The following NAALADL2 variants were observed in gnomAD, a reference collection of about 807,000 sequenced individuals.
The protein encoded by NAALADL2 is inactive N-acetylated-alpha-linked acidic dipeptidase-like protein 2.
A neutral mutation model predicts 87.2 loss-of-function variants in NAALADL2; 76 were observed. The ratio of observed to expected loss-of-function variants is 0.87; its 90% CI spans 0.72 to 1.05. The LOEUF is 1.05. Among genes scored for constraint, NAALADL2 ranks in the 50% least tolerant of loss-of-function variants. NAALADL2 has a pLI of 0.00. For synonymous variants in NAALADL2, 354 were observed against 331.0 expected, an observed-to-expected ratio of 1.07 and a Z score of -0.75; for missense variants, 1,089 against 945.8, an observed-to-expected ratio of 1.15 and a Z score of -1.99.
chr3:175,016,599 C>T (rs1026849633), intron 1 of NAALADL2, among the ~76,000 whole-genome samples: 23 of 151,428 alleles, frequency 1.5e-4, no homozygotes, highest in Middle Eastern at 3.4e-3. Flanking sequence ...TATACATATA[C>T]GCAAATTAAA....
chr3:175,685,568 A>T (rs1050901296), intron 11 of NAALADL2, among the ~76,000 whole-genome samples: 1 of 151,938 alleles, frequency 6.6e-6, no homozygotes, highest in African/African-American at 2.4e-5. Flanking sequence ...ATTGGCTCAC[A>T]TGACTGTGGA....
intron 4 of NAALADL2, among the ~76,000 whole-genome samples, chr3:175,281,710 G>A (rs1754331347): frequency 6.6e-6 from 1 of 151,744 alleles, no homozygotes; most frequent in African/African-American, 2.4e-5. Context: ...CCTTCAAGAA[G>A]GCTTCATTTA....
chr3:175,307,045 A>G (rs1369845977), intron 4 of NAALADL2, among the ~76,000 whole-genome samples: 2 of 152,178 alleles, frequency 1.3e-5, no homozygotes, highest in East Asian at 1.9e-4. Context: ...TCTTTGCCCA[A>G]TAGTATACTC....
rs1336834745 is a variant in NAALADL2, at chr3:175,543,528, C to T, written c.1654-32513C>T. ...TCACATGTCCACATGGCTGGGGAGGCCTGACAATTATGGCAGAAGGGGAAG... is the reference window on the plus strand; with the variant it reads ...TCACATGTCCACATGGCTGGGGAGGTCTGACAATTATGGCAGAAGGGGAAG... On this transcript the variant is annotated intron_variant, in intron 9 of 13. Transcript: ENST00000454872. 2.6e-5 allele frequency among the ~76,000 whole-genome samples: 4 copies of T among 152,098 alleles called. No homozygotes were observed. In the East Asian group the frequency reaches 7.7e-4, roughly 29 times the overall value.
intron 5 of NAALADL2, among the ~76,000 whole-genome samples, chr3:175,429,084 C>T (rs1293348804): frequency 2.0e-5 from 3 of 151,374 alleles, no homozygotes; most frequent in Non-Finnish European, 4.4e-5. Flanking sequence ...AAGACTCTAA[C>T]TTTATCTGTA....
intron 2 of NAALADL2, among the ~76,000 whole-genome samples, chr3:175,181,558 C>T (rs1196750686): frequency 6.6e-6 from 1 of 151,256 alleles, no homozygotes; most frequent in Admixed American, 6.6e-5. Flanking sequence ...TAAGTGACAA[C>T]ATGTGGTATT....
At chr3:175,487,350 CAGG>C (rs778935307) in intron 9 of NAALADL2, among the ~76,000 whole-genome samples, 3 of 152,174 alleles carry the variant, frequency 2.0e-5, no homozygotes, top group Non-Finnish European at 4.4e-5. Context: ...ATGTAAAGCA[CAGG>C]AGGACACTGA....
intron 1 of NAALADL2, among the ~76,000 whole-genome samples, chr3:174,973,660 G>A (rs1033861326): frequency 1.3e-5 from 2 of 152,112 alleles, no homozygotes; most frequent in Non-Finnish European, 1.5e-5. Flanking sequence ...TGTACTTTCC[G>A]AAACCTAGAT....
At chr3:174,651,839 A>G (rs1300725226) in intron 2 of NAALADL2, among the ~76,000 whole-genome samples, 4 of 152,204 alleles carry the variant, frequency 2.6e-5, no homozygotes, top group African/African-American at 7.2e-5. Context: ...AAACTTACTT[A>G]TTGAAATATA....
intron 4 of NAALADL2, among the ~76,000 whole-genome samples, chr3:175,267,744 T>C (rs1028572728): frequency 6.6e-6 from 1 of 152,124 alleles, no homozygotes; most frequent in Non-Finnish European, 1.5e-5. Context: ...GGTCTCCCTG[T>C]CCACATTTGT....
At chr3:175,277,419 G>C (rs916214255) in intron 4 of NAALADL2, among the ~76,000 whole-genome samples, 10 of 152,068 alleles carry the variant, frequency 6.6e-5, no homozygotes, top group Non-Finnish European at 1.3e-4. Context: ...TTGTCTTCCT[G>C]AAAGCTGTAA....
At chr3:175,484,102 G>T (rs983505073) in intron 9 of NAALADL2, among the ~76,000 whole-genome samples, 2 of 152,010 alleles carry the variant, frequency 1.3e-5, no homozygotes, top group African/African-American at 4.8e-5. Context: ...AAACCATACA[G>T]ATAAATACCA....
At chr3:175,171,697 A>T (rs1734846304) in intron 2 of NAALADL2, among the ~76,000 whole-genome samples, 1 of 152,114 alleles carries the variant, frequency 6.6e-6, no homozygotes, top group African/African-American at 2.4e-5. Flanking sequence ...GGTGAAATGT[A>T]GTACATGCAC....
At chr3:174,760,423 C>T (rs1165704055) in intron 3 of NAALADL2, among the ~76,000 whole-genome samples, 1 of 152,224 alleles carries the variant, frequency 6.6e-6, no homozygotes, top group Admixed American at 6.5e-5. Context: ...TTTGCTCATA[C>T]AAAGGAACCA....
chr3:175,678,456 A>G (rs903052206), intron 11 of NAALADL2, among the ~76,000 whole-genome samples: 57 of 152,188 alleles, frequency 3.7e-4, no homozygotes, highest in Non-Finnish European at 1.6e-4. Context: ...TCACAATAGC[A>G]AAGACTTGGA....
intron 5 of NAALADL2, among the ~76,000 whole-genome samples, chr3:175,337,503 A>G (rs1021093824): frequency 6.6e-6 from 1 of 152,120 alleles, no homozygotes; most frequent in African/African-American, 2.4e-5. Context: ...AGAGATTAGG[A>G]TACAGACAGA....
In NAALADL2 at chr3:174,556,605, C is replaced by T. The variant is rs374489807; in HGVS notation, c.-115+5968C>T. ...AGCAGTTGTCCTTCTTAATACACAA[C>T]TTATAGAATTGTGTATTATTTCCCT... On this transcript the variant is annotated intron_variant, in intron 2 of 3. Coordinates refer to the NAALADL2 transcript ENST00000434257. Among the ~76,000 whole-genome samples the T allele has an allele frequency of 1.1e-4, 16 of 152,076 alleles. No homozygotes were observed. The East Asian group carries it at 2.5e-3, about 24-fold the overall frequency.
At chr3:175,196,946 G>A (rs1484343523) in intron 2 of NAALADL2, among the ~76,000 whole-genome samples, 1 of 151,718 alleles carries the variant, frequency 6.6e-6, no homozygotes, top group Non-Finnish European at 1.5e-5. Context: ...CACTTTTTAT[G>A]GGTCATGGTA....
At chr3:175,725,469 T>C (rs1262966063) in intron 11 of NAALADL2, among the ~76,000 whole-genome samples, 2 of 152,154 alleles carry the variant, frequency 1.3e-5, no homozygotes, top group Admixed American at 6.6e-5. Context: ...AGAATTAGCA[T>C]TGGAATGTAT....
Sources: gnomAD v4.1 joint callset for allele counts (sites outside exome capture counted in the v4.1 genomes callset) on GRCh38, gnomAD v4.1.1 for gene constraint, MANE v1.5 for transcripts, NCBI Gene and HGNC (gene_info 2026-07-23, HGNC 2026-07-21) for gene names.